The following FHIT variants were observed in gnomAD, a reference collection of about 807,000 sequenced individuals.
FHIT encodes the protein bis(5'-adenosyl)-triphosphatase.
In FHIT, 19 loss-of-function variants were observed where a neutral mutation model predicts 17.9. The ratio of observed to expected loss-of-function variants is 1.06; its 90% CI spans 0.74 to 1.56. The LOEUF (loss-of-function observed/expected upper bound fraction) is 1.56. Ranked by LOEUF, FHIT falls within the 40% of genes most tolerant of loss-of-function variation. The pLI is 0.00. For synonymous variants in FHIT, 81 were observed against 69.7 expected (o/e 1.16, Z -0.81); for missense variants, 248 against 189.2 (o/e 1.31, Z -1.82).
chr3:59,974,444 T>TC (rs1708321922), intron 7 of FHIT, among the ~76,000 whole-genome samples: 1 of 152,206 alleles, frequency 6.6e-6, no homozygotes, highest in Non-Finnish European at 1.5e-5. Flanking sequence ...ATTTAGGCCA[T>TC]CCTGGCCTAG....
intron 3 of FHIT, among the ~76,000 whole-genome samples, chr3:60,869,159 A>G (rs1553754474): frequency 2.0e-5 from 3 of 152,172 alleles, no homozygotes; most frequent in Non-Finnish European, 4.4e-5. Flanking sequence ...ATTAAAGATA[A>G]TACCTATTTC....
chr3:60,788,298 C>T (rs370595786), intron 4 of FHIT, among the ~76,000 whole-genome samples: 2 of 151,484 alleles, frequency 1.3e-5, no homozygotes, highest in Non-Finnish European at 1.5e-5. Context: ...CTCTTAAAAA[C>T]AAAAAAAATA....
chr3:60,009,521 G>A (rs1241363045), intron 7 of FHIT, among the ~76,000 whole-genome samples: 3 of 151,996 alleles, frequency 2.0e-5, no homozygotes, highest in Non-Finnish European at 1.5e-5. Flanking sequence ...ATTTTGGCCA[G>A]ATAATTGGGA....
chr3:59,997,039 C>G (rs1699540708), intron 7 of FHIT, among the ~76,000 whole-genome samples: 1 of 152,134 alleles, frequency 6.6e-6, no homozygotes, highest in Admixed American at 6.6e-5. Context: ...TGAAACCATG[C>G]TCATGTTCAA....
At chr3:60,100,900 T>G (rs1457223161) in intron 5 of FHIT, among the ~76,000 whole-genome samples, 1 of 152,144 alleles carries the variant, frequency 6.6e-6, no homozygotes, top group Non-Finnish European at 1.5e-5. Context: ...CACTTGACCT[T>G]TGGACAAAAA....
intron 5 of FHIT, among the ~76,000 whole-genome samples, chr3:60,118,514 G>A (rs1705084831): frequency 6.6e-6 from 1 of 151,982 alleles, no homozygotes. Context: ...GTGACTGACA[G>A]TAGGGAGGCA....
intron 5 of FHIT, among the ~76,000 whole-genome samples, chr3:60,213,229 T>G (rs188457170): frequency 1.3e-5 from 2 of 152,250 alleles, no homozygotes; most frequent in East Asian, 1.9e-4. Context: ...CCTTTCTTGC[T>G]CTCTCTCCCC....
chr3:61,145,860 T>G (rs1239847209), intron 2 of FHIT, among the ~76,000 whole-genome samples: 1 of 152,080 alleles, frequency 6.6e-6, no homozygotes, highest in Non-Finnish European at 1.5e-5. Flanking sequence ...ATTGATCTTG[T>G]ATCTTGCCAC....
intron 3 of FHIT, among the ~76,000 whole-genome samples, chr3:60,995,988 T>C (rs756279651): frequency 6.6e-6 from 1 of 152,238 alleles, no homozygotes; most frequent in African/African-American, 2.4e-5. Context: ...AACACTTTAA[T>C]TTTAATTTAA....
intron 7 of FHIT, among the ~76,000 whole-genome samples, chr3:59,960,123 A>G (rs1374953500): frequency 6.6e-6 from 1 of 152,132 alleles, no homozygotes; most frequent in African/African-American, 2.4e-5. Context: ...AGAGAGAGGA[A>G]GACAGTGGGT....
At chr3:60,431,534 T>C (rs1355518524) in intron 5 of FHIT, among the ~76,000 whole-genome samples, 1 of 152,110 alleles carries the variant, frequency 6.6e-6, no homozygotes, top group East Asian at 1.9e-4. Context: ...GGAACTAATG[T>C]TTATGCTTTC....
chr3:61,012,711 A>G (rs2031863031), intron 3 of FHIT, among the ~76,000 whole-genome samples: 3 of 151,464 alleles, frequency 2.0e-5, no homozygotes, highest in Admixed American at 2.0e-4. Context: ...TATAAAAAAT[A>G]TAAGAAATAC....
chr3:60,855,348 T>C (rs139639506), intron 3 of FHIT, among the ~76,000 whole-genome samples: 75 of 152,228 alleles, frequency 4.9e-4, no homozygotes, highest in African/African-American at 1.8e-3. Flanking sequence ...TCACCTTTGG[T>C]AAAAAGTCAT....
intron 4 of FHIT, among the ~76,000 whole-genome samples, chr3:60,762,214 C>G (rs937258059): frequency 6.6e-6 from 1 of 152,184 alleles, no homozygotes; most frequent in Non-Finnish European, 1.5e-5. Context: ...TTCTTTCTCT[C>G]TCTCTCTTTT....
intron 7 of FHIT, among the ~76,000 whole-genome samples, chr3:60,000,774 C>T (rs1287374499): frequency 6.6e-6 from 1 of 152,142 alleles, no homozygotes; most frequent in East Asian, 1.9e-4. Context: ...ATCAAAACAT[C>T]AAATATATTT....
chr3:60,832,570 A>C (rs1177643604), intron 3 of FHIT, among the ~76,000 whole-genome samples: 1 of 152,150 alleles, frequency 6.6e-6, no homozygotes, highest in African/African-American at 2.4e-5. Flanking sequence ...TTTCAATAGA[A>C]ACCAGCAAGA....
chr3:60,823,098 C>G (rs374362260), intron 3 of FHIT, among the ~76,000 whole-genome samples: 4 of 152,192 alleles, frequency 2.6e-5, no homozygotes, highest in African/African-American at 9.7e-5. Context: ...TGAGACTCTA[C>G]TAAGGTGTCA....
chr3:60,911,890 T>TA (rs1394101858), intron 3 of FHIT, among the ~76,000 whole-genome samples: 1 of 152,170 alleles, frequency 6.6e-6, no homozygotes, highest in African/African-American at 2.4e-5. Flanking sequence ...TATAGAGGTT[T>TA]AAAGAATAAC....
At chr3:59,865,046 C>A (rs1490527936) in intron 8 of FHIT, among the ~76,000 whole-genome samples, 1 of 152,078 alleles carries the variant, frequency 6.6e-6, no homozygotes, top group Non-Finnish European at 1.5e-5. Context: ...TTTCTGACTC[C>A]TCCACTCTAG....
Sources: allele counts gnomAD v4.1 joint callset (sites outside exome capture counted in the v4.1 genomes callset), GRCh38; gene constraint gnomAD v4.1.1; transcripts MANE v1.5; gene names NCBI Gene and HGNC (gene_info 2026-07-23, HGNC 2026-07-21).